GAB1: variants seen among roughly 807,000 people sequenced by gnomAD.
GAB1 encodes the protein GRB2 associated binding protein 1.
Under a neutral mutation model 66.5 loss-of-function variants are expected in GAB1, and 19 were observed. The observed-to-expected ratio is 0.29, with a 90% CI of 0.20 to 0.42. The LOEUF (loss-of-function observed/expected upper bound fraction) is 0.42. Ranked by LOEUF, GAB1 falls within the 10% of genes least tolerant of loss-of-function variation. GAB1 has a pLI of 1.00. For synonymous variants in GAB1, 294 were observed against 301.4 expected (o/e 0.98, Z 0.25); for missense variants, 732 against 858.5 (o/e 0.85, Z 1.84).
At chr4:143,421,957 C>T (rs1418892081) in intron 2 of GAB1, among the ~76,000 whole-genome samples, 2 of 152,010 alleles carry the variant, frequency 1.3e-5, no homozygotes, top group Non-Finnish European at 2.9e-5. Flanking sequence ...ACAGATTAAA[C>T]AGATCATGCT....
intron 1 of GAB1, among the ~76,000 whole-genome samples, chr4:143,360,549 G>A (rs1343079669): frequency 2.6e-5 from 4 of 151,904 alleles, no homozygotes; most frequent in Non-Finnish European, 1.5e-5. Flanking sequence ...AAAATAGAAG[G>A]AAAAAAAGGT....
At chr4:143,338,160 C>T (rs549405770) in intron 1 of GAB1, among the ~76,000 whole-genome samples, 14 of 152,166 alleles carry the variant, frequency 9.2e-5, no homozygotes, top group African/African-American at 3.1e-4. Flanking sequence ...TTAGTGGAAA[C>T]CTGTGTCCTC....
intron 1 of GAB1, among the ~76,000 whole-genome samples, chr4:143,366,244 C>G (rs1305945218): frequency 6.6e-6 from 1 of 152,132 alleles, no homozygotes; most frequent in East Asian, 1.9e-4. Flanking sequence ...GTTCTGTTAT[C>G]AAATTTATCT....
chr4:143,344,530 A>T (rs1728929084), intron 1 of GAB1, among the ~76,000 whole-genome samples: 1 of 152,120 alleles, frequency 6.6e-6, no homozygotes, highest in Admixed American at 6.5e-5. Flanking sequence ...ACACACATAA[A>T]ATTAGCATTC....
chr4:143,422,574 A>G (rs1733085570), intron 2 of GAB1, among the ~76,000 whole-genome samples: 1 of 152,162 alleles, frequency 6.6e-6, no homozygotes, highest in East Asian at 1.9e-4. Flanking sequence ...GGTTTCTTTA[A>G]GTAATTATTT....
chr4:143,460,921 A>G (rs745483355), intron 8 of GAB1, among the ~76,000 whole-genome samples: 4 of 152,206 alleles, frequency 2.6e-5, no homozygotes, highest in Non-Finnish European at 5.9e-5. Context: ...TTATGATGCA[A>G]TTCTCTAAGG....
At chr4:143,373,864 A>ATATATATATATATATATATATAT (rs1553945752) in intron 1 of GAB1, among the ~76,000 whole-genome samples, 1 of 50,838 alleles carries the variant, frequency 2.0e-5, no homozygotes, top group African/African-American at 1.0e-4. Context: ...TCTGTAAATA[A>ATATATATATATATATATATATAT]ATAAATATAT....
rs1560725949 is a variant in GAB1 at position 143,373,868 on chromosome 4, A to ATAT, written c.72+36608_72+36609insTAT. ...CTCTCTCTCTCTCTGTAAATAAATAAATATATATATATATATATTTTTACC... is the reference window on the plus strand; with the variant it reads ...CTCTCTCTCTCTCTGTAAATAAATAATATATATATATATATATATATTTTTACC... On this transcript the variant is annotated intron_variant, in intron 1 of 9. Transcript: ENST00000262994. Among the ~76,000 whole-genome samples, 60 of 93,690 alleles carry ATAT rather than the reference A, an allele frequency of 6.4e-4. 7 individuals are homozygous for ATAT. Among genetic ancestry groups the ATAT allele is most frequent in the East Asian group, 1.3e-3 (5 of 3,802 alleles). The allele number at this position is 93,690 out of a possible 152,430, so 61.5% of individuals were successfully genotyped here.
chr4:143,454,329 T>A (rs749162594), intron 6 of GAB1, among the ~76,000 whole-genome samples: 1 of 152,260 alleles, frequency 6.6e-6, no homozygotes, highest in Non-Finnish European at 1.5e-5. Flanking sequence ...TACTATGTTG[T>A]ACTTGTTGAA....
chr4:143,350,305 T>G (rs1411150341), intron 1 of GAB1, among the ~76,000 whole-genome samples: 1 of 152,208 alleles, frequency 6.6e-6, no homozygotes, highest in Non-Finnish European at 1.5e-5. Context: ...TGATTGGGAC[T>G]AAGAACGGTG....
At chr4:143,466,396 ATTATTTTTTCCTTTCTGATGGTTAG>A in intron 9 of GAB1, among the ~76,000 whole-genome samples, 171 bp downstream of exon 9, 1 of 147,150 alleles carries the variant, frequency 6.8e-6, no homozygotes, top group African/African-American at 2.5e-5. Flanking sequence ...ATGGAGACTG[ATTATTTTTTCCTTTCTGATGGTTAG>A]AAATTTTATA....
chr4:143,461,832 A>G (rs79050272), intron 8 of GAB1, among the ~76,000 whole-genome samples: 9 of 152,226 alleles, frequency 5.9e-5, no homozygotes, highest in African/African-American at 1.9e-4. Context: ...AATTCTGTCA[A>G]TGAATTGGTT....
chr4:143,395,887 G>A (rs937505609), intron 1 of GAB1: 5 of 454,800 alleles, frequency 1.1e-5, no homozygotes, highest in African/African-American at 4.0e-5. Flanking sequence ...TTGATGGACC[G>A]CCCCCCGCCC....
intron 8 of GAB1, among the ~76,000 whole-genome samples, chr4:143,461,334 G>C (rs1162665915): frequency 1.3e-5 from 2 of 152,196 alleles, no homozygotes; most frequent in African/African-American, 4.8e-5. Flanking sequence ...AGTCTAGAGA[G>C]AGTCAATCCA....
Position 143,470,186 on chromosome 4 carries a change from C to T in GAB1, c.*997C>T, listed in dbSNP as rs1736009162. 1 of 152,124 alleles carries T rather than the reference C, an allele frequency of 6.6e-6. No individual in the cohort carries two copies. Among genetic ancestry groups the T allele is most frequent in the South Asian group, 2.1e-4 (1 of 4,836 alleles). 9.4% of individuals were successfully genotyped at this position (152,124 alleles called of 1,614,324 possible). ...TAGATAGTAATTCAGATTTATTACT[C>T]TATGAAATTCTGTCTTTTGACACCA... On this transcript the variant is annotated 3_prime_UTR_variant, in exon 10 of 10. Coordinates refer to ENST00000262994, the MANE Select transcript of GAB1 (RefSeq NM_002039.4).
intron 1 of GAB1, among the ~76,000 whole-genome samples, chr4:143,365,554 AC>A (rs34940848): frequency 1.3e-4 from 20 of 151,992 alleles, no homozygotes; most frequent in African/African-American, 4.6e-4. Context: ...TGACAACTTT[AC>A]CCTGTTCTGA....
At chr4:143,410,653 C>T (rs907992144) in intron 1 of GAB1, among the ~76,000 whole-genome samples, 1 of 152,166 alleles carries the variant, frequency 6.6e-6, no homozygotes, top group Non-Finnish European at 1.5e-5. Flanking sequence ...TGTTTAAAAA[C>T]ATCTCTCTTA....
chr4:143,416,948 G>A (rs569489750), intron 2 of GAB1, among the ~76,000 whole-genome samples: 17 of 152,168 alleles, frequency 1.1e-4, no homozygotes, highest in Admixed American at 3.9e-4. Context: ...AATAGCCAAG[G>A]TAATTATCAT....
chr4:143,390,274 G>T (rs753331076), intron 1 of GAB1, among the ~76,000 whole-genome samples: 2 of 151,954 alleles, frequency 1.3e-5, no homozygotes, highest in Non-Finnish European at 2.9e-5. Context: ...AAGATTAAGG[G>T]TGTTTGTGGG....
Sources: allele counts gnomAD v4.1 joint callset (sites outside exome capture counted in the v4.1 genomes callset), GRCh38; gene constraint gnomAD v4.1.1; transcripts MANE v1.5; gene names NCBI Gene and HGNC (gene_info 2026-07-23, HGNC 2026-07-21).